SDC2: variants seen among roughly 807,000 people sequenced by gnomAD.
SDC2 encodes syndecan 2, also known as syndecan-2.
Under a neutral mutation model 22.2 loss-of-function variants are expected in SDC2, and 13 were observed. That is an observed-to-expected ratio of 0.59 (90% CI 0.38 to 0.93). The LOEUF (loss-of-function observed/expected upper bound fraction) is 0.93, where lower values mean the gene tolerates loss of function less well. SDC2 is among the 40% of genes least tolerant of loss of function. The pLI is 0.00. For missense variants in SDC2, 235 were observed against 246.8 expected (o/e 0.95, Z 0.32); for synonymous variants, 94 against 92.8 (o/e 1.01, Z -0.07).
rs1020702443 is a variant in SDC2 at position 96,508,696 on chromosome 8, T to C, written c.60+14365T>C. ...TTTCCATTCATTGTCTATAACTGTCTCACAACTGCTAGGCGGTATTACTTG... is the reference window on the plus strand; with the variant it reads ...TTTCCATTCATTGTCTATAACTGTCCCACAACTGCTAGGCGGTATTACTTG... On this transcript the variant is annotated intron_variant, in intron 1 of 4. Transcript: ENST00000302190. Among the ~76,000 whole-genome samples the C allele has an allele frequency of 2.8e-5, 4 of 141,830 alleles. 1 individual carries two copies. Among genetic ancestry groups the C allele is most frequent in the Non-Finnish European group, 6.4e-5 (4 of 62,316 alleles). 93.0% of individuals were successfully genotyped at this position (141,830 alleles called of 152,430 possible). A position where few individuals can be genotyped will look rare whatever the true frequency, so the allele number is the denominator to read the frequency against.
At chr8:96,557,493 G>T (rs1814135477) in intron 1 of SDC2, among the ~76,000 whole-genome samples, 1 of 149,588 alleles carries the variant, frequency 6.7e-6, no homozygotes, top group Admixed American at 6.7e-5. Flanking sequence ...GATGAAATTG[G>T]AAATCATCAT....
chr8:96,540,383 G>A (rs1170472386), intron 1 of SDC2, among the ~76,000 whole-genome samples: 2 of 138,256 alleles, frequency 1.4e-5, no homozygotes, highest in African/African-American at 5.2e-5. Context: ...GGCAGTGTTT[G>A]CCTGTGGTCC....
At chr8:96,535,564 G>A (rs2589205) in intron 1 of SDC2, among the ~76,000 whole-genome samples, 123,616 of 152,170 alleles carry the variant, frequency 0.81, 50,926 homozygotes, top group Middle Eastern at 0.88. Context: ...AGAAAATGCC[G>A]ACAGGTTAAT....
chr8:96,537,359 G>A (rs938151679), intron 1 of SDC2: 1 of 152,144 alleles, frequency 6.6e-6, no homozygotes, highest in Non-Finnish European at 1.5e-5. Flanking sequence ...TGTTGCCTGT[G>A]TTCTGAAAGT....
intron 1 of SDC2, among the ~76,000 whole-genome samples, chr8:96,514,308 T>C (rs768779522): frequency 2.0e-5 from 3 of 152,036 alleles, no homozygotes; most frequent in Non-Finnish European, 2.9e-5. Flanking sequence ...GAGTGGACTT[T>C]AGGGAGAGGG....
chr8:96,579,526 G>C (rs1205281283), intron 1 of SDC2, among the ~76,000 whole-genome samples: 1 of 152,202 alleles, frequency 6.6e-6, no homozygotes, highest in Non-Finnish European at 1.5e-5. Flanking sequence ...TGACCACTTG[G>C]AACCATGACT....
chr8:96,580,302 A>G (rs1814569233), intron 1 of SDC2: 1 of 785,890 alleles, frequency 1.3e-6, no homozygotes, highest in Non-Finnish European at 1.5e-6. Flanking sequence ...TCATTTTTCT[A>G]CAGGCAGAGT....
At chr8:96,506,925 C>T (rs546610269) in intron 1 of SDC2, among the ~76,000 whole-genome samples, 107 of 149,256 alleles carry the variant, frequency 7.2e-4, no homozygotes, top group Middle Eastern at 3.5e-3. Context: ...GGGAGTATGG[C>T]GTGAACCCGA....
At chr8:96,573,678 G>A (rs1814440481) in intron 1 of SDC2, among the ~76,000 whole-genome samples, 1 of 151,882 alleles carries the variant, frequency 6.6e-6, no homozygotes. Context: ...CTTCTGGTTT[G>A]GCACTTCTTA....
intron 1 of SDC2, among the ~76,000 whole-genome samples, chr8:96,538,974 T>A (rs1021906332): frequency 1.3e-5 from 2 of 152,206 alleles, no homozygotes; most frequent in African/African-American, 4.8e-5. Context: ...TGTCTTTGAT[T>A]GAGTTAGATT....
intron 2 of SDC2, among the ~76,000 whole-genome samples, chr8:96,601,646 A>C (rs1317172088): frequency 6.6e-6 from 1 of 151,316 alleles, no homozygotes; most frequent in Admixed American, 6.6e-5. Flanking sequence ...TCTCCAAAAA[A>C]AAAAAAAAAA....
intron 1 of SDC2, chr8:96,529,233 A>C (rs1374538333): frequency 2.0e-5 from 3 of 152,252 alleles, no homozygotes; most frequent in African/African-American, 7.2e-5. Context: ...TTTGGACATC[A>C]CAGTGAACCA....
chr8:96,530,335 G>A (rs954466064), intron 1 of SDC2, among the ~76,000 whole-genome samples: 1 of 152,178 alleles, frequency 6.6e-6, no homozygotes, highest in Non-Finnish European at 1.5e-5. Context: ...CACCTTGTTA[G>A]TATTAAAATG....
chr8:96,525,121 C>A (rs973012179), intron 1 of SDC2, among the ~76,000 whole-genome samples: 2 of 152,192 alleles, frequency 1.3e-5, no homozygotes, highest in African/African-American at 4.8e-5. Context: ...GCATGCAAAC[C>A]TCAGGTGTGA....
chr8:96,528,038 CT>C (rs1251684651), intron 1 of SDC2, among the ~76,000 whole-genome samples: 1 of 148,674 alleles, frequency 6.7e-6, no homozygotes, highest in Non-Finnish European at 1.5e-5. Flanking sequence ...CAAAATAGCA[CT>C]TTTCAAAACT....
chr8:96,512,088 A>G (rs1397857258), intron 1 of SDC2, among the ~76,000 whole-genome samples: 1 of 152,088 alleles, frequency 6.6e-6, no homozygotes, highest in Non-Finnish European at 1.5e-5. Flanking sequence ...GGGAGAACAT[A>G]CCCATTCCTT....
chr8:96,511,280 G>A (rs1314900585), intron 1 of SDC2, among the ~76,000 whole-genome samples: 2 of 152,134 alleles, frequency 1.3e-5, no homozygotes, highest in East Asian at 3.8e-4. Context: ...TGATTCCAGT[G>A]TTCAGTCAGG....
chr8:96,555,892 G>C (rs923701824), intron 1 of SDC2, among the ~76,000 whole-genome samples: 10 of 152,296 alleles, frequency 6.6e-5, no homozygotes, highest in African/African-American at 2.4e-4. Flanking sequence ...GTTTGAAATA[G>C]TGTAAATTTT....
At chr8:96,584,815 G>C (rs1814654134) in intron 1 of SDC2, 1 of 152,236 alleles carries the variant, frequency 6.6e-6, no homozygotes, top group African/African-American at 2.4e-5. Context: ...TCAATGCGGA[G>C]CACATCTGTA....
Sources: allele counts gnomAD v4.1 joint callset (sites outside exome capture counted in the v4.1 genomes callset), GRCh38; gene constraint gnomAD v4.1.1; transcripts MANE v1.5; gene names NCBI Gene and HGNC (gene_info 2026-07-23, HGNC 2026-07-21).